Variants in RBFOX1 observed in about 807,000 individuals in gnomAD.
RBFOX1 encodes the protein RNA binding fox-1 homolog 1.
RBFOX1 carries 8 observed loss-of-function variants against 57.7 expected under a neutral mutation model. The ratio of observed to expected loss-of-function variants is 0.14; its 90% confidence interval spans 0.08 to 0.25. RBFOX1 has a LOEUF of 0.25. RBFOX1 is among the 10% of genes least tolerant of loss of function. The pLI is 1.00. For synonymous variants in RBFOX1, 326 were observed against 222.4 expected (o/e 1.47, Z -4.15); for missense variants, 611 against 548.5 (o/e 1.11, Z -1.14).
chr16:5,615,483 C>G (rs559549306), intron 3 of RBFOX1, among the ~76,000 whole-genome samples: 1 of 152,344 alleles, frequency 6.6e-6, no homozygotes, highest in South Asian at 2.1e-4. Flanking sequence ...CCTTATTAGC[C>G]TTTAGCCTCT....
At chr16:6,928,829 A>C (rs190466813) in intron 3 of RBFOX1, among the ~76,000 whole-genome samples, 74 of 152,304 alleles carry the variant, frequency 4.9e-4, no homozygotes, top group Middle Eastern at 3.4e-3. Context: ...AGTAACACAC[A>C]CAAAAAAATC....
chr16:5,274,219 C>G (rs1441882468), intron 1 of RBFOX1, among the ~76,000 whole-genome samples: 1 of 152,198 alleles, frequency 6.6e-6, no homozygotes, highest in East Asian at 1.9e-4. Context: ...TCCAGCATCA[C>G]TTCCGGCCTC....
At chr16:6,873,517 G>A (rs182208837) in intron 3 of RBFOX1, among the ~76,000 whole-genome samples, 64 of 152,204 alleles carry the variant, frequency 4.2e-4, no homozygotes, top group African/African-American at 1.4e-3. Context: ...AGTGGATTAT[G>A]GCTGTGTTCT....
chr16:7,133,109 T>C (rs1418439955), intron 4 of RBFOX1, among the ~76,000 whole-genome samples: 1 of 152,154 alleles, frequency 6.6e-6, no homozygotes, highest in African/African-American at 2.4e-5. Flanking sequence ...TTATGGTTTG[T>C]ATGCATCAAA....
chr16:6,548,367 A>G (rs1025563723), intron 2 of RBFOX1, among the ~76,000 whole-genome samples: 3 of 152,126 alleles, frequency 2.0e-5, no homozygotes, highest in South Asian at 2.1e-4. Flanking sequence ...GGAGGTCTCA[A>G]TATCAAATTG....
chr16:6,370,411 C>CATTGCCGA (rs1158292311), intron 2 of RBFOX1, among the ~76,000 whole-genome samples: 1 of 146,092 alleles, frequency 6.8e-6, no homozygotes, highest in African/African-American at 2.5e-5. Context: ...CTGGACTGCC[C>CATTGCCGA]ATTGCCGAAT....
chr16:6,663,483 A>G (rs1171730594), intron 3 of RBFOX1, among the ~76,000 whole-genome samples: 2 of 152,168 alleles, frequency 1.3e-5, no homozygotes, highest in Non-Finnish European at 2.9e-5. Context: ...TTCTGATAGC[A>G]GAACAAAGAC....
chr16:6,465,512 T>G (rs2153071070), intron 2 of RBFOX1, among the ~76,000 whole-genome samples: 1 of 152,246 alleles, frequency 6.6e-6, no homozygotes, highest in Admixed American at 6.5e-5. Flanking sequence ...TTCTAAAATC[T>G]ACGTAAGAAG....
intron 2 of RBFOX1, among the ~76,000 whole-genome samples, chr16:5,571,938 C>G (rs572285887): frequency 2.6e-5 from 4 of 152,222 alleles, no homozygotes; most frequent in Non-Finnish European, 5.9e-5. Context: ...CCCGGCCCAT[C>G]TTTGTCTTTC....
At chr16:5,788,730 C>G (rs1414333481) in intron 3 of RBFOX1, among the ~76,000 whole-genome samples, 1 of 152,152 alleles carries the variant, frequency 6.6e-6, no homozygotes, top group African/African-American at 2.4e-5. Context: ...AAGACACACA[C>G]ATACACATAC....
At chr16:6,082,910 CT>C (rs2096026416) in intron 1 of RBFOX1, among the ~76,000 whole-genome samples, 1 of 152,186 alleles carries the variant, frequency 6.6e-6, no homozygotes, top group African/African-American at 2.4e-5. Flanking sequence ...CATAGCACCC[CT>C]GCTCTACAGA....
rs568686674 is a variant in RBFOX1 at position 7,493,004 on chromosome 16, G to A, written c.28-25143G>A. Among the ~76,000 whole-genome samples, 33 of 152,184 alleles carry A rather than the reference G, an allele frequency of 2.2e-4. 1 individual carries two copies. The South Asian group carries it at 5.4e-3, about 25-fold the overall frequency. On this transcript the variant is annotated intron_variant, in intron 4 of 15. Transcript: ENST00000550418. ...AGCGATTCTCCTGCCTCAGCCTGCCGAGTAGCTGGGATTACAGGTGCCTGC... is the reference window on the plus strand; with the variant it reads ...AGCGATTCTCCTGCCTCAGCCTGCCAAGTAGCTGGGATTACAGGTGCCTGC...
intron 2 of RBFOX1, among the ~76,000 whole-genome samples, chr16:5,577,865 C>G (rs1021424302): frequency 5.9e-5 from 9 of 152,106 alleles, no homozygotes; most frequent in African/African-American, 2.2e-4. Flanking sequence ...TTTGGTGCAG[C>G]CTAATATAAA....
intron 3 of RBFOX1, among the ~76,000 whole-genome samples, chr16:6,676,905 A>G (rs1008258725): frequency 6.6e-6 from 1 of 151,334 alleles, no homozygotes; most frequent in Non-Finnish European, 1.5e-5. Context: ...TGAACCCTTG[A>G]CCTCAGGTGA....
intron 3 of RBFOX1, among the ~76,000 whole-genome samples, chr16:5,612,532 T>A (rs2151253750): frequency 6.6e-6 from 1 of 152,336 alleles, no homozygotes; most frequent in East Asian, 1.9e-4. Context: ...AGGTAGATAA[T>A]GGCTCTGAGA....
chr16:7,621,477 G>C (rs547180055), intron 10 of RBFOX1, among the ~76,000 whole-genome samples: 2 of 152,004 alleles, frequency 1.3e-5, no homozygotes, highest in African/African-American at 4.8e-5. Flanking sequence ...CTCCAGGCTG[G>C]TCTTGAACTC....
At chr16:5,273,247 G>T (rs1012368603) in intron 1 of RBFOX1, among the ~76,000 whole-genome samples, 134 of 150,550 alleles carry the variant, frequency 8.9e-4, no homozygotes, top group African/African-American at 3.0e-3. Context: ...TTTGGTGGTC[G>T]GTTTTCCATC....
chr16:5,622,892 T>G (rs1426051984), intron 3 of RBFOX1, among the ~76,000 whole-genome samples: 1 of 152,230 alleles, frequency 6.6e-6, no homozygotes, highest in East Asian at 1.9e-4. Flanking sequence ...TCTTATTGTT[T>G]CCTAAACAAC....
At chr16:6,301,139 C>G (rs911502616) in intron 1 of RBFOX1, among the ~76,000 whole-genome samples, 1 of 151,928 alleles carries the variant, frequency 6.6e-6, no homozygotes. Context: ...AGATTTTTTT[C>G]TTTGCTTCTT....
Sources: allele counts gnomAD v4.1 joint callset (sites outside exome capture counted in the v4.1 genomes callset), GRCh38; gene constraint gnomAD v4.1.1; transcripts MANE v1.5; gene names NCBI Gene and HGNC (gene_info 2026-07-23, HGNC 2026-07-21).